PPP2R2B: variants seen among roughly 807,000 people sequenced by gnomAD.
PPP2R2B encodes serine/threonine-protein phosphatase 2A 55 kDa regulatory subunit B beta isoform.
PPP2R2B carries 5 observed loss-of-function variants against 46.0 expected under a neutral mutation model. That is an observed-to-expected ratio of 0.11 (90% CI 0.06 to 0.23). The LOEUF is 0.23. Among genes scored for constraint, PPP2R2B ranks in the 10% least tolerant of loss-of-function variants. The pLI is 1.00. For missense variants in PPP2R2B, 367 were observed against 575.0 expected, an observed-to-expected ratio of 0.64 and a Z score of 3.70; for synonymous variants, 215 against 206.7, an observed-to-expected ratio of 1.04 and a Z score of -0.34.
chr5:146,661,692 A>G (rs1414727614), intron 5 of PPP2R2B, among the ~76,000 whole-genome samples: 2 of 152,204 alleles, frequency 1.3e-5, no homozygotes, highest in Non-Finnish European at 2.9e-5. Context: ...GAGAGGAAAG[A>G]TACCTTTTTC....
rs572617766 is a variant in PPP2R2B at position 146,987,058 on chromosome 5, G to A, written c.79+68607C>T. ...AGGAGCTCCAATATGTCTGGCAGCAGGTTACACAGCAAAAACCTTATAGTC... is the reference window on the plus strand; with the variant it reads ...AGGAGCTCCAATATGTCTGGCAGCAAGTTACACAGCAAAAACCTTATAGTC... On this transcript the variant is annotated intron_variant, in intron 1 of 8. Coordinates refer to the PPP2R2B transcript ENST00000336640. 1.4e-4 allele frequency among the ~76,000 whole-genome samples: 22 copies of A among 152,234 alleles called. No homozygotes were observed. In the South Asian group the frequency reaches 4.4e-3, roughly 30 times the overall value.
At chr5:146,694,891 T>C (rs1779085800) in intron 4 of PPP2R2B, among the ~76,000 whole-genome samples, 1 of 152,140 alleles carries the variant, frequency 6.6e-6, no homozygotes. Flanking sequence ...TGCCTAATCA[T>C]ATTTATCTAT....
chr5:146,708,024 ACTCAT>A (rs1336706344), intron 2 of PPP2R2B, among the ~76,000 whole-genome samples: 3 of 152,236 alleles, frequency 2.0e-5, no homozygotes, highest in East Asian at 1.9e-4. Flanking sequence ...AGATTTTAGC[ACTCAT>A]CTCAGCAGCT....
intron 8 of PPP2R2B, among the ~76,000 whole-genome samples, chr5:146,593,927 A>G (rs1326041528): frequency 4.6e-5 from 7 of 152,224 alleles, no homozygotes; most frequent in Non-Finnish European, 1.0e-4. Context: ...AACCTGAGTG[A>G]TAGATTCTGG....
At chr5:147,014,760 T>C (rs1297790801) in intron 1 of PPP2R2B, among the ~76,000 whole-genome samples, 3 of 151,362 alleles carry the variant, frequency 2.0e-5, no homozygotes, top group Non-Finnish European at 2.9e-5. Flanking sequence ...GGGAGGGATA[T>C]CATTGGGAGA....
chr5:146,662,716 T>A (rs1776743931), intron 5 of PPP2R2B, among the ~76,000 whole-genome samples: 1 of 152,134 alleles, frequency 6.6e-6, no homozygotes, highest in South Asian at 2.1e-4. Context: ...GATTGAAGGT[T>A]TATGTTAATT....
chr5:146,596,662 G>T (rs1289569926), intron 8 of PPP2R2B, among the ~76,000 whole-genome samples: 1 of 152,162 alleles, frequency 6.6e-6, no homozygotes, highest in East Asian at 1.9e-4. Context: ...GTCTTATGCA[G>T]CTGGAAGAGG....
intron 5 of PPP2R2B, among the ~76,000 whole-genome samples, chr5:146,655,346 C>CA (rs1776254543): frequency 1.3e-5 from 2 of 152,188 alleles, no homozygotes; most frequent in African/African-American, 2.4e-5. Flanking sequence ...TCTTCCCCCC[C>CA]AGAGAGTGGC....
rs973021774 is a variant in PPP2R2B at position 146,759,184 on chromosome 5, T to C, written c.71-58042A>G. Among the ~76,000 whole-genome samples the C allele has an allele frequency of 3.3e-5, 5 of 152,218 alleles. No homozygotes were observed. In the East Asian group the frequency reaches 5.8e-4, roughly 18 times the overall value. ...CCATGTTGATGTCATTTTTCTCCCT[T>C]GCTATTGCATTGTTCCAGGAAGTTA... On this transcript the variant is annotated intron_variant, in intron 2 of 9. Transcript: ENST00000394411.
intron 1 of PPP2R2B, among the ~76,000 whole-genome samples, chr5:146,940,252 T>C (rs1174118999): frequency 6.6e-6 from 1 of 152,198 alleles, no homozygotes; most frequent in Non-Finnish European, 1.5e-5. Context: ...AGCCCTGCCC[T>C]CCTGGCTGCA....
chr5:146,765,995 G>A (rs1316049798), intron 2 of PPP2R2B, among the ~76,000 whole-genome samples: 1 of 152,138 alleles, frequency 6.6e-6, no homozygotes, highest in East Asian at 1.9e-4. Flanking sequence ...ATCATCTGGT[G>A]ATTAAAGAAT....
At chr5:146,800,766 G>A (rs888469825) in intron 2 of PPP2R2B, among the ~76,000 whole-genome samples, 4 of 151,882 alleles carry the variant, frequency 2.6e-5, no homozygotes, top group African/African-American at 4.8e-5. Context: ...TTCAAAATAG[G>A]GGGGCTCTCC....
intron 2 of PPP2R2B, among the ~76,000 whole-genome samples, chr5:146,810,011 A>C (rs556992543): frequency 6.6e-6 from 1 of 152,316 alleles, no homozygotes; most frequent in African/African-American, 2.4e-5. Flanking sequence ...AAGGAAAATC[A>C]GAAATCAAAG....
At chr5:146,995,901 CAAACCAGCAATATA>C (rs995771210) in intron 1 of PPP2R2B, among the ~76,000 whole-genome samples, 8 of 152,258 alleles carry the variant, frequency 5.3e-5, no homozygotes, top group African/African-American at 1.9e-4. Context: ...ATAAGGTTTT[CAAACCAGCAATATA>C]AAACCAGCAA....
intron 2 of PPP2R2B, chr5:147,080,955 G>A: frequency 2.8e-6 from 3 of 1,056,344 alleles, no homozygotes; most frequent in Non-Finnish European, 4.1e-6. Flanking sequence ...ATTTTGGGGT[G>A]TGTGGGGACT....
intron 7 of PPP2R2B, among the ~76,000 whole-genome samples, chr5:146,605,683 T>G (rs975095032): frequency 3.3e-4 from 50 of 152,374 alleles, no homozygotes; most frequent in African/African-American, 1.2e-3. Flanking sequence ...GGGGCATGAC[T>G]GCCCCTGGTT....
intron 1 of PPP2R2B, among the ~76,000 whole-genome samples, chr5:147,041,456 T>C (rs928167676): frequency 1.3e-5 from 2 of 152,146 alleles, no homozygotes; most frequent in African/African-American, 4.8e-5. Flanking sequence ...TCTAATCCCC[T>C]TTTCTCCACC....
intron 2 of PPP2R2B, among the ~76,000 whole-genome samples, chr5:146,798,226 G>A (rs148794990): frequency 5.3e-5 from 8 of 152,000 alleles, no homozygotes; most frequent in Admixed American, 2.0e-4. Flanking sequence ...TCTTTCACTC[G>A]GTTGCCTCAT....
intron 2 of PPP2R2B, among the ~76,000 whole-genome samples, chr5:146,848,121 T>A (rs1760117671): frequency 6.8e-6 from 1 of 146,264 alleles, no homozygotes; most frequent in East Asian, 2.1e-4. Flanking sequence ...TACTAGACTG[T>A]ATGTTTCTTA....
Sources: allele counts gnomAD v4.1 joint callset (sites outside exome capture counted in the v4.1 genomes callset), GRCh38; gene constraint gnomAD v4.1.1; transcripts MANE v1.5; gene names NCBI Gene and HGNC (gene_info 2026-07-23, HGNC 2026-07-21).